Variants in PTPRB observed in about 807,000 individuals in gnomAD.
The protein encoded by PTPRB is protein tyrosine phosphatase receptor type B, also known as receptor-type tyrosine-protein phosphatase beta.
Under a neutral mutation model 238.1 loss-of-function variants are expected in PTPRB, and 97 were observed. That is an observed-to-expected ratio of 0.41 (90% CI 0.35 to 0.48). PTPRB has a LOEUF of 0.48. PTPRB is among the 20% of genes least tolerant of loss of function. The probability of loss-of-function intolerance (pLI) is 0.30; values close to 1 mark genes in which losing one functional copy is unlikely to be tolerated. For synonymous variants in PTPRB, 970 were observed against 995.4 expected, an observed-to-expected ratio of 0.97 and a Z score of 0.48; for missense variants, 2,292 against 2,681.9, an observed-to-expected ratio of 0.85 and a Z score of 3.21.
chr12:70,595,824 T>C (rs1333644753), intron 5 of PTPRB, among the ~76,000 whole-genome samples: 3 of 152,096 alleles, frequency 2.0e-5, no homozygotes, highest in Non-Finnish European at 4.4e-5. Flanking sequence ...TCCACAGAAG[T>C]CCCATGACTT....
At chr12:70,612,812 C>T (rs1884517350) in intron 3 of PTPRB, among the ~76,000 whole-genome samples, 1 of 151,964 alleles carries the variant, frequency 6.6e-6, no homozygotes, top group African/African-American at 2.4e-5. Context: ...CATGGAGAAA[C>T]CCTGTCTCTA....
chr12:70,612,310 T>C (rs1294991832), intron 3 of PTPRB, among the ~76,000 whole-genome samples: 1 of 152,120 alleles, frequency 6.6e-6, no homozygotes, highest in Non-Finnish European at 1.5e-5. Context: ...AAACTTAACA[T>C]GAGAAATCCA....
At chr12:70,629,872 T>A (rs1204513143) in intron 2 of PTPRB, among the ~76,000 whole-genome samples, 1 of 152,166 alleles carries the variant, frequency 6.6e-6, no homozygotes, top group Non-Finnish European at 1.5e-5. Flanking sequence ...CCTGGACTCA[T>A]AATGTGTCCA....
intron 3 of PTPRB, among the ~76,000 whole-genome samples, chr12:70,619,580 C>T (rs1347759355): frequency 1.3e-5 from 2 of 152,078 alleles, no homozygotes; most frequent in East Asian, 1.9e-4. Context: ...GGTGAGGCTG[C>T]CCTAACCCAT....
rs1366849974 is a variant in PTPRB at position 70,516,485 on chromosome 12, C to T, written c.*5004G>A. The T allele has an allele frequency of 1.3e-5, 2 of 152,338 alleles. No individual in the cohort carries two copies. The highest frequency in any genetic ancestry group is 4.8e-5 in the African/African-American group (2 of 41,574). 9.4% of individuals were successfully genotyped at this position (152,338 alleles called of 1,614,324 possible). On this transcript the variant is annotated 3_prime_UTR_variant, in exon 34 of 34. Coordinates refer to ENST00000334414, the MANE Select transcript of PTPRB (RefSeq NM_001109754.4). ...GGCAGACTAGGACATTCCACAAAGG[C>T]TGGTACAGGCTTTCCTACTAACCTG... is the stretch of plus-strand genomic sequence containing the variant.
At chr12:70,601,497 A>T (rs989153570) in intron 4 of PTPRB, among the ~76,000 whole-genome samples, 2 of 152,158 alleles carry the variant, frequency 1.3e-5, no homozygotes, top group Non-Finnish European at 2.9e-5. Flanking sequence ...ACCAAACAAC[A>T]GCATCTTTAC....
In PTPRB at chr12:70,609,180, G is replaced by T. The variant is rs910802831; in HGVS notation, c.868C>A (p.Arg290=). The change falls in exon 4 of 34, where the codon CGG becomes AGG. Residue 290 remains arginine, a synonymous_variant. Coordinates refer to ENST00000334414, the MANE Select transcript of PTPRB (RefSeq NM_001109754.4). ...TLGAALCPTF[R]IDNTTYGCNL... is the part of the protein sequence containing the mutation. ...CATCCGTATGTGGTGTTGTCTATCCGAAAGGTAGGGCACAACGCGGCCCCC... is the reference window on the plus strand; with the variant it reads ...CATCCGTATGTGGTGTTGTCTATCCTAAAGGTAGGGCACAACGCGGCCCCC... 1.2e-6 allele frequency: 2 copies of T among 1,613,920 alleles called. No individual in the cohort carries two copies. Among genetic ancestry groups the T allele is most frequent in the African/African-American group, 1.3e-5 (1 of 74,930 alleles).
At chr12:70,552,414 G>C (rs1317486596) in intron 21 of PTPRB, among the ~76,000 whole-genome samples, 1 of 148,414 alleles carries the variant, frequency 6.7e-6, no homozygotes, top group East Asian at 2.0e-4. Flanking sequence ...AACCAGGGAG[G>C]CAGAGGTTGC....
In PTPRB at chr12:70,569,899, C is replaced by T. The variant is rs375134025; in HGVS notation, c.3410G>A (p.Gly1137Glu). Reference protein sequence around the residue: ...AVKNIHISPNGATDSLTVNWT... With the variant: ...AVKNIHISPNEATDSLTVNWT... ...GTTCACCGTCAGGCTATCTGTTGCT[C>T]CATTGGGAGAAATGTGAATATTTTT... Residue 1137 changes from glycine to glutamate, a missense_variant, in exon 14 of 34, where the codon GGA (glycine) becomes GAA (glutamate). Gly to Glu is a moderately conservative substitution (Grantham distance 98). Around this residue, in one of 4 missense-constraint regions of PTPRB, gnomAD observed 683 missense variants for 862.0 expected, o/e 0.79. Coordinates refer to ENST00000334414, the MANE Select transcript of PTPRB (RefSeq NM_001109754.4). 4 of 1,612,066 alleles carry T rather than the reference C, an allele frequency of 2.5e-6. No homozygotes were observed. The highest frequency in any genetic ancestry group is 2.5e-6 in the Non-Finnish European group (3 of 1,178,386).
At chr12:70,589,848 C>T in intron 8 of PTPRB, 116 bp downstream of exon 8, 1 of 1,047,646 alleles carries the variant, frequency 9.5e-7, no homozygotes, top group South Asian at 1.6e-5. Flanking sequence ...TCCTTAATAT[C>T]TCAAATTCAG....
chr12:70,622,063 A>C (rs1884962775), intron 3 of PTPRB, among the ~76,000 whole-genome samples: 1 of 152,204 alleles, frequency 6.6e-6, no homozygotes, highest in Non-Finnish European at 1.5e-5. Context: ...GGTTGCCTGC[A>C]GGGCACTGAT....
Position 70,635,944 on chromosome 12 carries a change from G to A in PTPRB, c.178C>T (p.Leu60Phe), listed in dbSNP as rs372428385. 6.2e-7 allele frequency: 1 copy of A among 1,613,488 alleles called. No homozygotes were observed. Among genetic ancestry groups the A allele is most frequent in the African/African-American group, 1.3e-5 (1 of 74,892 alleles). ...QQWMWTEDEK[L>F]LHVKSALCLA... is the part of the protein sequence containing the mutation. ...CACAGTGCAGATTTAACATGAAGGAGCTTTTCATCCTCAGTCCACATCCAC... is the reference window on the plus strand; with the variant it reads ...CACAGTGCAGATTTAACATGAAGGAACTTTTCATCCTCAGTCCACATCCAC... The change falls in exon 2 of 34, where the codon CTC (leucine) becomes TTC (phenylalanine). Residue 60 changes from leucine to phenylalanine, a missense_variant. Around this residue, in one of 4 missense-constraint regions of PTPRB, gnomAD observed 1,205 missense variants for 1,287.8 expected, o/e 0.94. Transcript: ENST00000334414.
chr12:70,611,697 A>G (rs1884460005), intron 3 of PTPRB, among the ~76,000 whole-genome samples: 1 of 152,252 alleles, frequency 6.6e-6, no homozygotes, highest in Non-Finnish European at 1.5e-5. Flanking sequence ...TTTAATCTAC[A>G]GCCAGACCAG....
At chr12:70,602,241 T>G (rs11178321) in intron 4 of PTPRB, among the ~76,000 whole-genome samples, 33,141 of 152,100 alleles carry the variant, frequency 0.22, 3,711 homozygotes, top group East Asian at 0.28. Context: ...GATCTAAAAT[T>G]AGAAGCTCAC....
At chr12:70,552,723 G>T in intron 21 of PTPRB, 54 bp downstream of exon 21, 4 of 1,596,274 alleles carry the variant, frequency 2.5e-6, no homozygotes, top group Non-Finnish European at 3.4e-6. Flanking sequence ...AGACAGCTGA[G>T]TGCTTAGTAA....
At chr12:70,577,392 G>T (rs1016409192) in intron 10 of PTPRB, among the ~76,000 whole-genome samples, 1 of 152,126 alleles carries the variant, frequency 6.6e-6, no homozygotes, top group African/African-American at 2.4e-5. Context: ...CCTACTATTT[G>T]CCAGGTATAC....
At chr12:70,584,810 A>G (rs12821369) in intron 9 of PTPRB, among the ~76,000 whole-genome samples, 8,535 of 152,158 alleles carry the variant, frequency 0.056, 465 homozygotes, top group East Asian at 0.23. Flanking sequence ...TCTCAGATGC[A>G]GGGGGAAAAA....
intron 16 of PTPRB, 34 bp downstream of exon 16, chr12:70,562,810 C>T (rs769089015): frequency 1.9e-6 from 3 of 1,600,586 alleles, no homozygotes; most frequent in African/African-American, 1.3e-5. Context: ...GACAATTCCC[C>T]CACGATTCAT....
intron 2 of PTPRB, among the ~76,000 whole-genome samples, chr12:70,629,900 A>C (rs952028247): frequency 6.6e-6 from 1 of 152,198 alleles, no homozygotes; most frequent in Non-Finnish European, 1.5e-5. Context: ...ACCAGGAAGA[A>C]GTGGAATCTC....
Sources: gnomAD v4.1 joint callset for allele counts (sites outside exome capture counted in the v4.1 genomes callset) on GRCh38, gnomAD v4.1.1 for gene constraint, gnomAD v4.1.1 regional missense constraint, MANE v1.5 for transcripts, NCBI Gene and HGNC (gene_info 2026-07-23, HGNC 2026-07-21) for gene names.